The following ACTR3C variants were observed in gnomAD, a reference collection of about 807,000 sequenced individuals.
The protein encoded by ACTR3C is actin-related protein 3C.
A neutral mutation model predicts 26.3 loss-of-function variants in ACTR3C; 18 were observed. That is an observed-to-expected ratio of 0.68 (90% CI 0.47 to 1.01). The LOEUF is 1.01. Ranked by LOEUF, ACTR3C falls within the 50% of genes least tolerant of loss-of-function variation. The pLI, the probability that ACTR3C is intolerant of heterozygous loss-of-function variation, is 0.00. For synonymous variants in ACTR3C, 55 were observed against 94.5 expected (o/e 0.58, Z 2.42); for missense variants, 184 against 250.7 (o/e 0.73, Z 1.80).
At chr7:150,312,468 G>T (rs1450918461) in intron 1 of ACTR3C, among the ~76,000 whole-genome samples, 1 of 152,166 alleles carries the variant, frequency 6.6e-6, no homozygotes, top group Non-Finnish European at 1.5e-5. Flanking sequence ...GGGACAAAAA[G>T]CTTTGGTATG....
the ACTR3C span, among the ~76,000 whole-genome samples, chr7:150,097,215 T>C: frequency 4.6e-5 from 7 of 151,736 alleles, no homozygotes; most frequent in East Asian, 1.2e-3. Context: ...GTTAGGAGAG[T>C]GTCACATGCG....
chr7:150,107,998 T>C, the ACTR3C span, among the ~76,000 whole-genome samples: 1 of 151,768 alleles, frequency 6.6e-6, no homozygotes, highest in African/African-American at 2.4e-5. Context: ...CATAAAGGAC[T>C]TCAGCCAATT....
chr7:150,250,913 G>C (rs1364275494), intron 6 of ACTR3C, among the ~76,000 whole-genome samples: 1 of 152,180 alleles, frequency 6.6e-6, no homozygotes, highest in Non-Finnish European at 1.5e-5. Context: ...ACTATGTGGA[G>C]AGTGCTTAAA....
chr7:150,129,234 C>A, the ACTR3C span, among the ~76,000 whole-genome samples: 2 of 152,088 alleles, frequency 1.3e-5, no homozygotes, highest in East Asian at 3.9e-4. Context: ...TCATAACCTG[C>A]CAAAAGATAT....
chr7:150,026,044 C>T, the ACTR3C span, among the ~76,000 whole-genome samples: 3 of 152,082 alleles, frequency 2.0e-5, no homozygotes, highest in African/African-American at 7.3e-5. Flanking sequence ...ATGAAACCTC[C>T]CACACAAGGT....
At chr7:150,253,237 T>G (rs1007919071) in intron 6 of ACTR3C, among the ~76,000 whole-genome samples, 4 of 152,176 alleles carry the variant, frequency 2.6e-5, no homozygotes, top group Admixed American at 2.6e-4. Flanking sequence ...CTGAAATATA[T>G]AAAGGCTGCC....
the ACTR3C span, among the ~76,000 whole-genome samples, chr7:150,018,716 C>A: frequency 6.7e-6 from 1 of 150,310 alleles, no homozygotes; most frequent in Non-Finnish European, 1.5e-5. Context: ...ATTTCCTTCA[C>A]TAAGTGCTTT....
At chr7:150,049,181 C>A in the ACTR3C span, among the ~76,000 whole-genome samples, 1 of 151,902 alleles carries the variant, frequency 6.6e-6, no homozygotes, top group Non-Finnish European at 1.5e-5. Flanking sequence ...TCCGCTCCTC[C>A]GCTCCAGGCC....
the ACTR3C span, among the ~76,000 whole-genome samples, chr7:149,985,952 AT>A: frequency 6.6e-6 from 1 of 151,934 alleles, no homozygotes; most frequent in South Asian, 2.1e-4. Context: ...ACTATCCTTT[AT>A]CCTAAAACTG....
the ACTR3C span, among the ~76,000 whole-genome samples, chr7:150,193,954 AAT>A: frequency 6.3e-3 from 928 of 146,904 alleles, 7 homozygotes; most frequent in African/African-American, 0.022. Context: ...GCTTTAAAAA[AAT>A]ATATATATAT....
chr7:150,035,500 G>T, the ACTR3C span, among the ~76,000 whole-genome samples: 59 of 123,044 alleles, frequency 4.8e-4, 1 homozygote, highest in Admixed American at 8.2e-4. Context: ...CGGAAGAGGG[G>T]ATAGCTCTCA....
the ACTR3C span, among the ~76,000 whole-genome samples, chr7:150,071,307 G>A: frequency 4.6e-3 from 694 of 149,862 alleles, 2 homozygotes; most frequent in Non-Finnish European, 7.3e-3. Flanking sequence ...TGTATTTTTA[G>A]TAGAGACGGG....
the ACTR3C span, among the ~76,000 whole-genome samples, chr7:149,915,177 A>G: frequency 6.6e-6 from 1 of 152,108 alleles, no homozygotes; most frequent in Non-Finnish European, 1.5e-5. Context: ...CGCATGGCAA[A>G]TTTCATTCTT....
chr7:150,036,770 G>A, the ACTR3C span, among the ~76,000 whole-genome samples: 2 of 138,336 alleles, frequency 1.4e-5, 1 homozygote, highest in Non-Finnish European at 3.4e-5. Context: ...TCTGCCGTCG[G>A]AAGATTTGAA....
the ACTR3C span, among the ~76,000 whole-genome samples, chr7:150,143,383 T>TG: frequency 3.9e-5 from 6 of 152,130 alleles, no homozygotes; most frequent in African/African-American, 1.5e-4. Flanking sequence ...CCTATTGTCG[T>TG]GGGGGAATTG....
the ACTR3C span, among the ~76,000 whole-genome samples, chr7:149,932,013 C>A: frequency 3.3e-5 from 5 of 151,932 alleles, no homozygotes; most frequent in African/African-American, 1.2e-4. Flanking sequence ...CAGTTATATC[C>A]ACATAAAAAC....
the ACTR3C span, among the ~76,000 whole-genome samples, chr7:150,107,764 G>T: frequency 6.6e-6 from 1 of 151,648 alleles, no homozygotes; most frequent in East Asian, 1.9e-4. Flanking sequence ...GAAAAAGAAG[G>T]TATGGGACCT....
intron 1 of ACTR3C, among the ~76,000 whole-genome samples, chr7:150,318,449 T>C (rs904098913): frequency 2.0e-5 from 3 of 152,180 alleles, no homozygotes; most frequent in Non-Finnish European, 4.4e-5. Context: ...CCTGGAAAAC[T>C]AATAAAGATG....
the ACTR3C span, among the ~76,000 whole-genome samples, chr7:150,175,837 A>C: frequency 6.8e-6 from 1 of 146,460 alleles, no homozygotes; most frequent in Non-Finnish European, 1.5e-5. Context: ...AAAAAAAAAG[A>C]AAGAAAGGAA....
Sources: gnomAD v4.1 joint callset for allele counts (sites outside exome capture counted in the v4.1 genomes callset) on GRCh38, gnomAD v4.1.1 for gene constraint, MANE v1.5 for transcripts, NCBI Gene and HGNC (gene_info 2026-07-23, HGNC 2026-07-21) for gene names.